STAT4: variants seen among roughly 807,000 people sequenced by gnomAD.
The protein encoded by STAT4 is signal transducer and activator of transcription 4.
A neutral mutation model predicts 110.5 loss-of-function variants in STAT4; 42 were observed. That is an observed-to-expected ratio of 0.38 (90% CI 0.30 to 0.49). The LOEUF (loss-of-function observed/expected upper bound fraction) is 0.49, where lower values mean the gene tolerates loss of function less well. Ranked by LOEUF, STAT4 falls within the 20% of genes least tolerant of loss-of-function variation. The pLI is 0.95. For missense variants in STAT4, 632 were observed against 887.9 expected, an observed-to-expected ratio of 0.71 and a Z score of 3.66; for synonymous variants, 284 against 302.2, an observed-to-expected ratio of 0.94 and a Z score of 0.63.
intron 13 of STAT4, among the ~76,000 whole-genome samples, chr2:191,055,200 T>G (rs1423143507): frequency 1.3e-5 from 2 of 151,770 alleles, no homozygotes; most frequent in African/African-American, 4.8e-5. Context: ...AAATTTTTCT[T>G]TTTTTTCTTT....
At chr2:191,121,786 G>C (rs1232102833) in intron 3 of STAT4, among the ~76,000 whole-genome samples, 2 of 142,148 alleles carry the variant, frequency 1.4e-5, no homozygotes, top group East Asian at 4.3e-4. Flanking sequence ...TGGGGGGAAG[G>C]GGGAGGGGGG....
At chr2:191,105,249 G>T (rs1239642586) in intron 3 of STAT4, among the ~76,000 whole-genome samples, 3 of 152,092 alleles carry the variant, frequency 2.0e-5, no homozygotes, top group African/African-American at 7.2e-5. Context: ...CTCTCGACAT[G>T]GCAGCCAGGG....
chr2:191,090,631 G>A lies in STAT4; in HGVS notation c.274-14306C>T, dbSNP rs891333596. On this transcript the variant is annotated intron_variant, in intron 3 of 23. Transcript: ENST00000392320. The surrounding 1 kb of genome is among the most constrained non-coding windows in gnomAD (Gnocchi z 4.2). ...ACTGGAGTGCAGTGGCGCGATCTCCGCCCACTGCAACCTCTGCCTCCTGAG... is the reference window on the plus strand; with the variant it reads ...ACTGGAGTGCAGTGGCGCGATCTCCACCCACTGCAACCTCTGCCTCCTGAG... Among the ~76,000 whole-genome samples the A allele has an allele frequency of 2.6e-5, 4 of 152,056 alleles. No individual in the cohort carries two copies. Among genetic ancestry groups the A allele is most frequent in the South Asian group, 2.1e-4 (1 of 4,818 alleles).
At chr2:191,141,454 T>TACATAC (rs369441693) in intron 3 of STAT4, among the ~76,000 whole-genome samples, 1 of 28,730 alleles carries the variant, frequency 3.5e-5, no homozygotes, top group African/African-American at 1.2e-4. Context: ...GTATATCACA[T>TACATAC]ATATACATAT....
At chr2:191,098,622 G>A (rs917943034) in intron 3 of STAT4, among the ~76,000 whole-genome samples, 4 of 152,176 alleles carry the variant, frequency 2.6e-5, no homozygotes, top group Non-Finnish European at 5.9e-5. Flanking sequence ...GGTGGGGGCC[G>A]GGGGAGGGAT....
rs1282426168 is a variant in STAT4, at chr2:191,091,451, T to G, written c.274-15126A>C. 3.3e-5 allele frequency among the ~76,000 whole-genome samples: 5 copies of G among 152,148 alleles called. No individual in the cohort carries two copies. Among genetic ancestry groups the G allele is most frequent in the Non-Finnish European group, 1.5e-5 (1 of 68,008 alleles). On this transcript the variant is annotated intron_variant, in intron 3 of 23. Transcript: ENST00000392320. This position sits in a 1 kb window ranked among gnomAD's most constrained non-coding sequence, Gnocchi z 5.4. ...AATCTGAGAAGACACATTAAAAACA[T>G]AAATTCTAAATGTGAGAGACTTGTT...
intron 3 of STAT4, among the ~76,000 whole-genome samples, chr2:191,101,387 G>GT (rs1436040097): frequency 6.6e-6 from 1 of 151,942 alleles, no homozygotes; most frequent in Non-Finnish European, 1.5e-5. Flanking sequence ...CATTTAATTG[G>GT]TACTTAATAC....
At chr2:191,100,938 T>A (rs1294480410) in intron 3 of STAT4, among the ~76,000 whole-genome samples, 1 of 152,092 alleles carries the variant, frequency 6.6e-6, no homozygotes, top group African/African-American at 2.4e-5. Flanking sequence ...TCCTCAGGAC[T>A]GGAGGTCCGA....
rs186685490 is a variant in STAT4, at chr2:191,040,120, G to A, written c.1336-823C>T. ...ACTCCACAATAGGATCATATTCAGG[G>A]TGTGTGAGATTGTGTTTGTTCATTC... On this transcript the variant is annotated intron_variant, in intron 15 of 23. Coordinates refer to ENST00000392320, the MANE Select transcript of STAT4 (RefSeq NM_003151.4). Among the ~76,000 whole-genome samples the A allele has an allele frequency of 3.9e-5, 6 of 152,286 alleles. No homozygotes were observed. In the East Asian group the frequency reaches 1.2e-3, roughly 29 times the overall value.
chr2:191,033,707 T>C lies in STAT4; in HGVS notation c.1716-81A>G. ...CATTTACAAAGACCTACAGTTTGTT[T>C]TGAGTGTAATCAAAAGTCATTCTTA... is the stretch of plus-strand genomic sequence containing the variant. On this transcript the variant is annotated intron_variant, in intron 19 of 23. Transcript: ENST00000392320. The surrounding 1 kb of genome is among the most constrained non-coding windows in gnomAD (Gnocchi z 6.9). The C allele has an allele frequency of 1.3e-6, 2 of 1,550,958 alleles. No individual in the cohort carries two copies. The highest frequency in any genetic ancestry group is 2.0e-5 in the Admixed American group (1 of 49,956).
In STAT4 at chr2:191,067,748, G is replaced by A. The variant is rs1208367584; in HGVS notation, c.545-1233C>T. 2.0e-5 allele frequency among the ~76,000 whole-genome samples: 3 copies of A among 151,976 alleles called. No individual in the cohort carries two copies. In the East Asian group the frequency reaches 5.8e-4, roughly 29 times the overall value. ...TCTCCTACTGATCTACATTTTATTA[G>A]TCCATATTCAATCAACCTTCAGAGG... On this transcript the variant is annotated intron_variant, in intron 6 of 23. Coordinates refer to ENST00000392320, the MANE Select transcript of STAT4 (RefSeq NM_003151.4).
At chr2:191,049,004 C>T (rs1696441098) in intron 14 of STAT4, among the ~76,000 whole-genome samples, 1 of 151,332 alleles carries the variant, frequency 6.6e-6, no homozygotes. Flanking sequence ...TGCTAAGAAA[C>T]TAGAAAACTG....
chr2:191,086,915 A>G lies in STAT4; in HGVS notation c.274-10590T>C, dbSNP rs147228922. On this transcript the variant is annotated intron_variant, in intron 3 of 23. Coordinates refer to ENST00000392320, the MANE Select transcript of STAT4 (RefSeq NM_003151.4). This position sits in a 1 kb window ranked among gnomAD's most constrained non-coding sequence, Gnocchi z 5.5. The stretch of plus-strand genomic sequence containing the variant: ...TGGACTTCTCAGAAAGTTCACTTGA[A>G]CATCTGGTTTGAACTACAATCCAGA... Among the ~76,000 whole-genome samples the G allele has an allele frequency of 1.0e-2, 1,516 of 152,266 alleles. 30 individuals carry two copies. The highest frequency in any genetic ancestry group is 0.033 in the African/African-American group (1,374 of 41,552).
chr2:191,070,211 TTTTC>T lies in STAT4; in HGVS notation c.466-444_466-441del, dbSNP rs550497934. ...TTATGACAATTCAGCTTAAATATTT[TTTTC>T]TTTCTATTTCCTGAAATATGCCTAT... On this transcript the variant is annotated intron_variant, in intron 5 of 23. Coordinates refer to ENST00000392320, the MANE Select transcript of STAT4 (RefSeq NM_003151.4). 1.6e-4 allele frequency among the ~76,000 whole-genome samples: 24 copies of T among 152,324 alleles called. No homozygotes were observed. The South Asian group carries it at 4.4e-3, about 28-fold the overall frequency.
intron 14 of STAT4, among the ~76,000 whole-genome samples, chr2:191,047,922 TC>T (rs1268590404): frequency 1.3e-5 from 2 of 152,228 alleles, no homozygotes; most frequent in African/African-American, 4.8e-5. Flanking sequence ...TGTCTCGGAC[TC>T]CCAAAGTGCT....
In STAT4 at chr2:191,112,721, C is replaced by G. The variant is rs1698456993; in HGVS notation, c.273+33892G>C. Among the ~76,000 whole-genome samples the G allele has an allele frequency of 6.6e-6, 1 of 152,118 alleles. No individual in the cohort carries two copies. Among genetic ancestry groups the G allele is most frequent in the African/African-American group, 2.4e-5 (1 of 41,428 alleles). ...ATTTCTGCAGTGAGGAACACTGAAG[C>G]CTAGGGAGGGGAAGGTCGCCCAGTT... On this transcript the variant is annotated intron_variant, in intron 3 of 23. Transcript: ENST00000392320. The surrounding 1 kb of genome is among the most constrained non-coding windows in gnomAD (Gnocchi z 4.3).
At chr2:191,121,547 A>G (rs1423767308) in intron 3 of STAT4, among the ~76,000 whole-genome samples, 1 of 152,176 alleles carries the variant, frequency 6.6e-6, no homozygotes, top group East Asian at 1.9e-4. Flanking sequence ...GATAGACTGG[A>G]TTAAGAAAAT....
chr2:191,132,911 T>C (rs988879595), intron 3 of STAT4, among the ~76,000 whole-genome samples: 17 of 151,346 alleles, frequency 1.1e-4, no homozygotes, highest in South Asian at 8.3e-4. Context: ...CCCGCCACCA[T>C]GCCCGGCTAA....
intron 3 of STAT4, among the ~76,000 whole-genome samples, chr2:191,114,202 T>C (rs894237555): frequency 2.6e-5 from 4 of 152,218 alleles, no homozygotes; most frequent in African/African-American, 9.6e-5. Flanking sequence ...ACTGCTAAAA[T>C]AATTTTAAAG....
Sources: gnomAD v4.1 joint callset for allele counts (sites outside exome capture counted in the v4.1 genomes callset) on GRCh38, gnomAD v4.1.1 for gene constraint, Gnocchi (gnomAD v3.1) non-coding constraint, MANE v1.5 for transcripts, NCBI Gene and HGNC (gene_info 2026-07-23, HGNC 2026-07-21) for gene names.